The following ZNF610 variants were observed in gnomAD, a reference collection of about 807,000 sequenced individuals.
The protein encoded by ZNF610 is zink finger protein.
Under a neutral mutation model 14.1 loss-of-function variants are expected in ZNF610, and 14 were observed. The observed-to-expected ratio is 0.99, with a 90% CI of 0.65 to 1.55. The LOEUF (loss-of-function observed/expected upper bound fraction) is 1.55, where lower values mean the gene tolerates loss of function less well. ZNF610 is among the 40% of genes most tolerant of loss of function. ZNF610 has a pLI of 0.00. For missense variants in ZNF610, 530 were observed against 558.0 expected (o/e 0.95, Z 0.51); for synonymous variants, 185 against 187.6 (o/e 0.99, Z 0.11).
upstream of ZNF610, among the ~76,000 whole-genome samples, chr19:52,333,806 G>C (rs1269281093): frequency 6.6e-6 from 1 of 152,214 alleles, no homozygotes; most frequent in African/African-American, 2.4e-5. Context: ...AAGAAAAGTT[G>C]TATGTAAGTG....
At position 52,366,330 on chromosome 19, in the gene ZNF610, T is replaced by C. The variant is rs780699071; in HGVS notation, c.952T>C (p.Cys318Arg). ...VIHTGEKPYK[C>R]NECGKNFRHK... ...CCATACTGGAGAGAAACCTTACAAA[T>C]GTAATGAGTGTGGCAAGAACTTCAG... The change falls in exon 6 of 6, where the codon TGT becomes CGT. Residue 318 changes from cysteine to arginine, a missense_variant. Coordinates refer to ENST00000403906, the MANE Select transcript of ZNF610 (RefSeq NM_001161425.2). 3 of 1,614,176 alleles carry C rather than the reference T, an allele frequency of 1.9e-6. No homozygotes were observed. The East Asian group carries it at 6.7e-5, about 36-fold the overall frequency.
At chr19:52,334,959 A>ACACACACACACACACACACACACACACAC (rs60779202), upstream of ZNF610, among the ~76,000 whole-genome samples, 4 of 146,648 alleles carry the variant, frequency 2.7e-5, no homozygotes, top group Non-Finnish European at 4.5e-5. Flanking sequence ...ACACACACAC[A>ACACACACACACACACACACACACACACAC]ATGTAATTTA....
At position 52,357,970 on chromosome 19, in the gene ZNF610, C is replaced by T. The variant is rs899222693; in HGVS notation, c.319+3591C>T. 2.0e-5 allele frequency among the ~76,000 whole-genome samples: 3 copies of T among 152,088 alleles called. 1 individual carries two copies. Among genetic ancestry groups the T allele is most frequent in the Non-Finnish European group, 4.4e-5 (3 of 68,022 alleles). ...TTCCTGCTCACCTTCCTGTCAGCCT[C>T]GGGGTGTTCAGCTGTCCAGAAGCTC... On this transcript the variant is annotated intron_variant, in intron 5 of 5. Transcript: ENST00000403906.
chr19:52,345,746 C>T (rs979022648), intron 1 of ZNF610, among the ~76,000 whole-genome samples: 1 of 151,930 alleles, frequency 6.6e-6, no homozygotes, highest in Admixed American at 6.6e-5. Context: ...GCTCTGTCGC[C>T]CAGGCTGGAG....
At chr19:52,349,352 G>A in intron 3 of ZNF610, 117 bp downstream of exon 3, 6 of 1,369,068 alleles carry the variant, frequency 4.4e-6, no homozygotes, top group Non-Finnish European at 6.2e-6. Context: ...CTTTCATCTC[G>A]CTTAGATTCT....
At chr19:52,330,945 A>G in the ZNF610 span, among the ~76,000 whole-genome samples, 1 of 152,222 alleles carries the variant, frequency 6.6e-6, no homozygotes, top group Non-Finnish European at 1.5e-5. Context: ...GAATGATTAA[A>G]TAAATAATTG....
chr19:52,334,807 T>G (rs932654340), upstream of ZNF610, among the ~76,000 whole-genome samples: 1 of 151,944 alleles, frequency 6.6e-6, no homozygotes, highest in Middle Eastern at 3.2e-3. Flanking sequence ...TGCAAGCCTG[T>G]AGCCCCAGCT....
chr19:52,354,458 A>G (rs756143313), intron 5 of ZNF610, 79 bp downstream of exon 5: 41 of 1,482,634 alleles, frequency 2.8e-5, no homozygotes, highest in Middle Eastern at 1.8e-4. Flanking sequence ...GCTATCACCC[A>G]GGCTGTAGTG....
chr19:52,354,123 C>A (rs577232290), intron 4 of ZNF610, 128 bp from the exon 5 acceptor site: 5 of 1,304,120 alleles, frequency 3.8e-6, no homozygotes, highest in Non-Finnish European at 5.3e-6. Context: ...TCAGAAGGAG[C>A]CAGTCTGTGG....
intron 5 of ZNF610, among the ~76,000 whole-genome samples, chr19:52,354,807 G>C (rs569012319): frequency 2.9e-3 from 442 of 151,914 alleles, no homozygotes; most frequent in African/African-American, 0.01. Flanking sequence ...TCAAACTCCT[G>C]ACCTCAAGTG....
At chr19:52,337,523 G>A (rs1984441681) in intron 1 of ZNF610, among the ~76,000 whole-genome samples, 1 of 148,922 alleles carries the variant, frequency 6.7e-6, no homozygotes, top group South Asian at 2.2e-4. Context: ...AAGAGGGGGA[G>A]AAACAGCAGG....
chr19:52,331,599 T>C (rs1984216630), upstream of ZNF610, among the ~76,000 whole-genome samples: 1 of 152,210 alleles, frequency 6.6e-6, no homozygotes, highest in Non-Finnish European at 1.5e-5. Flanking sequence ...AAACTCACAC[T>C]TCCCTGCCAC....
In ZNF610 at chr19:52,366,712, GA is replaced by G. The variant is rs774843129; in HGVS notation, c.1335del (p.His446IlefsTer25). 1 of 1,614,090 alleles carries G rather than the reference GA, an allele frequency of 6.2e-7. No homozygotes were observed. The highest frequency in any genetic ancestry group is 8.5e-7 in the Non-Finnish European group (1 of 1,179,962). On this transcript the variant is annotated frameshift_variant, in exon 6 of 6. Transcript: ENST00000403906. LOFTEE classifies it low-confidence loss of function (END_TRUNC). ...KVFNQNPHLS[R>X]HRKIHAGENS... is the part of the protein sequence containing the mutation. ...TTCAATCAAAATCCACACCTTTCAC[GA>G]CATCGGAAAATTCATGCTGGAGAGA...
rs541081431 is a variant in ZNF610, at chr19:52,366,529, G to A, written c.1151G>A (p.Arg384His). ...CNECGRAFHK[R>H]PGLMAHLLIH... ...GAATGTGGAAGAGCATTTCACAAGC[G>A]TCCGGGCCTTATGGCCCATCTTCTA... The change falls in exon 6 of 6, where the codon CGT (arginine) becomes CAT (histidine). Residue 384 changes from arginine (R) to histidine (H), a missense_variant. Transcript: ENST00000403906. 5.2e-5 allele frequency: 84 copies of A among 1,614,088 alleles called. No homozygotes were observed. Among genetic ancestry groups the A allele is most frequent in the African/African-American group, 6.7e-5 (5 of 74,992 alleles).
At chr19:52,363,129 T>C (rs1316866249) in intron 5 of ZNF610, among the ~76,000 whole-genome samples, 1 of 145,496 alleles carries the variant, frequency 6.9e-6, no homozygotes, top group Non-Finnish European at 1.5e-5. Flanking sequence ...TCTATCCCCT[T>C]TTTTTTTTTT....
At chr19:52,344,297 AG>A (rs1984830225) in intron 1 of ZNF610, among the ~76,000 whole-genome samples, 1 of 145,816 alleles carries the variant, frequency 6.9e-6, no homozygotes, top group Non-Finnish European at 1.5e-5. Flanking sequence ...TTGTTCTGGT[AG>A]TACCTTCTTA....
At chr19:52,345,760 A>G (rs1168288465) in intron 1 of ZNF610, among the ~76,000 whole-genome samples, 2 of 151,720 alleles carry the variant, frequency 1.3e-5, no homozygotes, top group African/African-American at 4.8e-5. Flanking sequence ...GCTGGAGTGC[A>G]GTGGGGTGAT....
chr19:52,330,691 T>C, the ZNF610 span, among the ~76,000 whole-genome samples: 1 of 152,086 alleles, frequency 6.6e-6, no homozygotes, highest in Non-Finnish European at 1.5e-5. Context: ...GTCTGAGCCA[T>C]GAGGGACTCT....
At chr19:52,349,084 T>C (rs981935882) in intron 2 of ZNF610, 70 bp from the exon 3 acceptor site, 8 of 1,091,470 alleles carry the variant, frequency 7.3e-6, no homozygotes, top group Admixed American at 3.6e-5. Flanking sequence ...CTAACCTGTG[T>C]GTGTGGTTGT....
Sources: allele counts gnomAD v4.1 joint callset (sites outside exome capture counted in the v4.1 genomes callset), GRCh38; gene constraint gnomAD v4.1.1; transcripts MANE v1.5; gene names NCBI Gene and HGNC (gene_info 2026-07-23, HGNC 2026-07-21).